Variants in CRAMP1 observed in about 807,000 individuals in gnomAD.
CRAMP1 encodes cramped chromatin regulator 1, also known as protein cramped-like.
Under a neutral mutation model 115.4 loss-of-function variants are expected in CRAMP1, and 50 were observed. That is an observed-to-expected ratio of 0.43 (90% confidence interval 0.35 to 0.55). The LOEUF is 0.55. Among genes scored for constraint, CRAMP1 ranks in the 20% least tolerant of loss-of-function variants. The pLI is 0.01. For synonymous variants in CRAMP1, 866 were observed against 745.4 expected (o/e 1.16, Z -2.64); for missense variants, 1,679 against 1,721.7 (o/e 0.98, Z 0.44).
chr16:1,651,824 G>A (rs560054591), intron 6 of CRAMP1, among the ~76,000 whole-genome samples: 1 of 150,886 alleles, frequency 6.6e-6, no homozygotes, highest in South Asian at 2.2e-4. Flanking sequence ...ACAGAAAGGT[G>A]GATTGAGGTC....
Position 1,669,287 on chromosome 16 carries a change from A to G in CRAMP1, c.3499+122A>G. On this transcript the variant is annotated intron_variant, in intron 19 of 20. Coordinates refer to ENST00000397412, the MANE Select transcript of CRAMP1 (RefSeq NM_020825.4). The surrounding 1 kb of genome is among the most constrained non-coding windows in gnomAD (Gnocchi z 4.6). ...GGACTGTTGGCTTGTTCGCTTCTCA[A>G]GTGTTTGTATTTTTCTGAGTTAATA... 2.7e-6 allele frequency: 2 copies of G among 744,292 alleles called. No homozygotes were observed. The highest frequency in any genetic ancestry group is 4.1e-6 in the Non-Finnish European group (2 of 486,862). 46.1% of individuals were successfully genotyped at this position (744,292 alleles called of 1,614,324 possible).
intron 9 of CRAMP1, among the ~76,000 whole-genome samples, chr16:1,655,669 G>C (rs539534513): frequency 6.6e-6 from 1 of 152,340 alleles, no homozygotes. Flanking sequence ...ACATAGGCGT[G>C]GTGCGTGTCA....
In CRAMP1 at chr16:1,652,556, C is replaced by G; in HGVS notation, c.888C>G (p.Ala296=). ...GGATCAAAGCGCCCATGTGCCGGGC[C>G]CTGAAGAAGCTGTGCGATCCAGATG... ...NLRIKAPMCR[A]LKKLCDPDGL... The change falls in exon 7 of 21, where the codon GCC becomes GCG. Residue 296 remains alanine, a synonymous_variant. Transcript: ENST00000397412. 1 of 1,553,022 alleles carries G rather than the reference C, an allele frequency of 6.4e-7. No homozygotes were observed. Among genetic ancestry groups the G allele is most frequent in the Non-Finnish European group, 8.7e-7 (1 of 1,147,640 alleles).
In CRAMP1 at chr16:1,669,246, A is replaced by G. The variant is rs1164910255; in HGVS notation, c.3499+81A>G. 24 of 1,115,296 alleles carry G rather than the reference A, an allele frequency of 2.2e-5. No individual in the cohort carries two copies. The highest frequency in any genetic ancestry group is 2.6e-5 in the Non-Finnish European group (21 of 802,180). 69.1% of individuals were successfully genotyped at this position (1,115,296 alleles called of 1,614,324 possible). On this transcript the variant is annotated intron_variant, in intron 19 of 20. Coordinates refer to ENST00000397412, the MANE Select transcript of CRAMP1 (RefSeq NM_020825.4). The surrounding 1 kb of genome is among the most constrained non-coding windows in gnomAD (Gnocchi z 4.6). ...CTGCGGGACACTGGATTCTCATTCT[A>G]CTCAAACTCCCACTAGGACTGTTGG...
At chr16:1,627,010 G>T (rs754879656) in intron 3 of CRAMP1, among the ~76,000 whole-genome samples, 19 of 152,352 alleles carry the variant, frequency 1.2e-4, no homozygotes, top group Admixed American at 2.0e-4. Context: ...TTCCTGTGTG[G>T]TCAAGGATGA....
In CRAMP1 at chr16:1,676,361, G is replaced by A. The variant is rs564740457; in HGVS notation, c.*2316G>A. 2 of 152,412 alleles carry A rather than the reference G, an allele frequency of 1.3e-5. No homozygotes were observed. The highest frequency in any genetic ancestry group is 2.9e-5 in the Non-Finnish European group (2 of 68,038). The allele number at this position is 152,412 out of a possible 1,614,324, so 9.4% of individuals were successfully genotyped here. ...AGTTCTAGAGGATTCTGCTTCTCTA[G>A]TAACTAGACAGGTGATACGCATTTG... is the stretch of plus-strand genomic sequence containing the variant. On this transcript the variant is annotated 3_prime_UTR_variant, in exon 21 of 21. Coordinates refer to ENST00000397412, the MANE Select transcript of CRAMP1 (RefSeq NM_020825.4).
chr16:1,647,270 G>A (rs185769667), intron 6 of CRAMP1, among the ~76,000 whole-genome samples: 13 of 152,336 alleles, frequency 8.5e-5, no homozygotes, highest in Admixed American at 3.3e-4. Flanking sequence ...AGCTTACTAC[G>A]TGGTTCGCAG....
intron 6 of CRAMP1, among the ~76,000 whole-genome samples, chr16:1,645,923 C>A (rs953396971): frequency 6.6e-6 from 1 of 152,052 alleles, no homozygotes. Flanking sequence ...ACCCCCAAGT[C>A]CCCTTCTGTC....
intron 3 of CRAMP1, among the ~76,000 whole-genome samples, chr16:1,630,204 A>AG (rs2036538837): frequency 6.6e-6 from 1 of 152,274 alleles, no homozygotes; most frequent in Admixed American, 6.5e-5. Context: ...GCTGGAGTGC[A>AG]GGGCTGCCAT....
At chr16:1,639,998 A>G (rs970406303) in intron 5 of CRAMP1, among the ~76,000 whole-genome samples, 1 of 152,190 alleles carries the variant, frequency 6.6e-6, no homozygotes, top group African/African-American at 2.4e-5. Flanking sequence ...ATCCGGGAGC[A>G]GGAGAGGTGG....
chr16:1,643,164 C>T (rs935196198), intron 6 of CRAMP1, among the ~76,000 whole-genome samples: 1 of 152,044 alleles, frequency 6.6e-6, no homozygotes, highest in Non-Finnish European at 1.5e-5. Flanking sequence ...AGAGTGTAGT[C>T]TCCCGAGTGA....
intron 2 of CRAMP1, among the ~76,000 whole-genome samples, chr16:1,619,848 G>A: frequency 6.6e-6 from 1 of 152,178 alleles, no homozygotes; most frequent in East Asian, 1.9e-4. Flanking sequence ...TTCAGAACCT[G>A]GAAGAGGACA....
chr16:1,627,644 T>C (rs560581214), intron 3 of CRAMP1, among the ~76,000 whole-genome samples: 15 of 152,344 alleles, frequency 9.8e-5, no homozygotes, highest in Admixed American at 1.3e-4. Context: ...TGGACCGGAC[T>C]GCCGTGGCAG....
chr16:1,674,092 A>G lies in CRAMP1; in HGVS notation c.*47A>G. The G allele has an allele frequency of 6.3e-7, 1 of 1,577,200 alleles. No individual in the cohort carries two copies. Among genetic ancestry groups the G allele is most frequent in the Non-Finnish European group, 8.6e-7 (1 of 1,158,872 alleles). On this transcript the variant is annotated 3_prime_UTR_variant, in exon 21 of 21. Coordinates refer to ENST00000397412, the MANE Select transcript of CRAMP1 (RefSeq NM_020825.4). ...GAAGCCCTCTTCGAGCTAGAGAAAAATAGATAAGCCCAGCAGCCCCAGAAG... is the reference window on the plus strand; with the variant it reads ...GAAGCCCTCTTCGAGCTAGAGAAAAGTAGATAAGCCCAGCAGCCCCAGAAG...
chr16:1,623,718 C>A (rs942825210), intron 2 of CRAMP1, among the ~76,000 whole-genome samples: 1 of 152,154 alleles, frequency 6.6e-6, no homozygotes, highest in Non-Finnish European at 1.5e-5. Context: ...AATCCAGGCT[C>A]CTAGTGAGCC....
rs570941863 is a variant in CRAMP1 at position 1,670,171 on chromosome 16, T to C, written c.3500-493T>C. On this transcript the variant is annotated intron_variant, in intron 19 of 20. Transcript: ENST00000397412. ...GTCCCAGCAACTCGGGAGGCTGAGG[T>C]GGGAGGATTGCTTGAGCCTAGGAAT... Among the ~76,000 whole-genome samples the C allele has an allele frequency of 1.1e-4, 17 of 151,220 alleles. No individual in the cohort carries two copies. The South Asian group carries it at 3.6e-3, about 32-fold the overall frequency.
At chr16:1,630,622 T>TC (rs762317904) in intron 3 of CRAMP1, among the ~76,000 whole-genome samples, 4 of 152,096 alleles carry the variant, frequency 2.6e-5, no homozygotes, top group Admixed American at 6.6e-5. Context: ...TTAACAAGGG[T>TC]CCCACTCAGG....
Position 1,666,555 on chromosome 16 carries a change from C to G in CRAMP1, c.2991C>G (p.Asp997Glu). 1.2e-6 allele frequency: 2 copies of G among 1,614,008 alleles called. No homozygotes were observed. The highest frequency in any genetic ancestry group is 1.7e-6 in the Non-Finnish European group (2 of 1,179,894). ...TGACGGGTGCCATCTCGGGGCAGGA[C>G]TCTACTGGAACTCACCAGGATGGAG... ...DEVTGAISGQ[D>E]STGTHQDGDT... Residue 997 changes from aspartate to glutamate, a missense_variant, in exon 16 of 21, where the codon GAC becomes GAG. This residue lies in a region of CRAMP1 where 709 missense variants were observed against 741.9 expected (regional missense o/e 0.96). Coordinates refer to ENST00000397412, the MANE Select transcript of CRAMP1 (RefSeq NM_020825.4). The surrounding 1 kb of genome is among the most constrained non-coding windows in gnomAD (Gnocchi z 5.0).
rs969467605 is a variant in CRAMP1 at position 1,675,759 on chromosome 16, T to G, written c.*1714T>G. 4 of 152,230 alleles carry G rather than the reference T, an allele frequency of 2.6e-5. No homozygotes were observed. The highest frequency in any genetic ancestry group is 5.9e-5 in the Non-Finnish European group (4 of 68,056). The allele number at this position is 152,230 out of a possible 1,614,324, so 9.4% of individuals were successfully genotyped here. ...CTTAGAGCTCTTGCCTGAGCTGGCTTCCCTCCTTCAGACATTGACATGAGA... is the reference window on the plus strand; with the variant it reads ...CTTAGAGCTCTTGCCTGAGCTGGCTGCCCTCCTTCAGACATTGACATGAGA... On this transcript the variant is annotated 3_prime_UTR_variant, in exon 21 of 21. Coordinates refer to ENST00000397412, the MANE Select transcript of CRAMP1 (RefSeq NM_020825.4).
Sources: allele counts gnomAD v4.1 joint callset (sites outside exome capture counted in the v4.1 genomes callset), GRCh38; gene constraint gnomAD v4.1.1; regional missense constraint gnomAD v4.1.1; non-coding constraint Gnocchi (gnomAD v3.1); transcripts MANE v1.5; gene names NCBI Gene and HGNC (gene_info 2026-07-23, HGNC 2026-07-21).